Variants in LRRTM4 observed in about 807,000 individuals in gnomAD.
LRRTM4 encodes leucine-rich repeat transmembrane neuronal protein 4.
A neutral mutation model predicts 47.6 loss-of-function variants in LRRTM4; 25 were observed. The observed-to-expected ratio is 0.53, with a 90% CI of 0.38 to 0.73. The LOEUF is 0.73. Among genes scored for constraint, LRRTM4 ranks in the 30% least tolerant of loss-of-function variants. The pLI is 0.00. For synonymous variants in LRRTM4, 311 were observed against 269.5 expected (o/e 1.15, Z -1.51); for missense variants, 638 against 713.4 (o/e 0.89, Z 1.20).
At chr2:77,053,316 T>C (rs1280397859) in intron 3 of LRRTM4, among the ~76,000 whole-genome samples, 2 of 152,094 alleles carry the variant, frequency 1.3e-5, no homozygotes, top group Non-Finnish European at 2.9e-5. Context: ...CAAAATTTAA[T>C]AGTTTAATAA....
chr2:77,484,368 G>A (rs1421025920), intron 3 of LRRTM4, among the ~76,000 whole-genome samples: 7 of 152,102 alleles, frequency 4.6e-5, no homozygotes, highest in Admixed American at 4.6e-4. Flanking sequence ...TATCATGGTG[G>A]ATTATACTGT....
intron 3 of LRRTM4, among the ~76,000 whole-genome samples, chr2:77,322,089 T>A (rs1042591174): frequency 2.6e-5 from 4 of 152,176 alleles, no homozygotes; most frequent in African/African-American, 9.6e-5. Flanking sequence ...TCAAAGGTAA[T>A]CTAGTAAAAT....
rs1357194845 is a variant in LRRTM4, at chr2:77,519,596, A to G, written c.273T>C (p.Tyr91=). 6.2e-7 allele frequency: 1 copy of G among 1,613,394 alleles called. No homozygotes were observed. Among genetic ancestry groups the G allele is most frequent in the African/African-American group, 1.3e-5 (1 of 74,894 alleles). The change falls in exon 3 of 4, where the codon TAT becomes TAC. Residue 91 remains tyrosine, a synonymous_variant. Transcript: ENST00000409884. The surrounding 1 kb of genome is among the most constrained non-coding windows in gnomAD (Gnocchi z 4.6). ...CTGAGCTAATGTAATTATGGTCAAG[A>G]TAAAGCCATATAAGCTGGTTAAGGC... ...FAGLNQLIWL[Y]LDHNYISSVD...
At chr2:76,971,778 G>C (rs1676227737) in intron 3 of LRRTM4, among the ~76,000 whole-genome samples, 1 of 151,960 alleles carries the variant, frequency 6.6e-6, no homozygotes, top group Non-Finnish European at 1.5e-5. Context: ...ACTGATGCAT[G>C]ATATGAGAAA....
intron 3 of LRRTM4, among the ~76,000 whole-genome samples, chr2:77,061,068 TC>T (rs1679770224): frequency 6.6e-6 from 1 of 151,874 alleles, no homozygotes; most frequent in Admixed American, 6.6e-5. Flanking sequence ...TTTTGCCACT[TC>T]CTTGATTTAT....
At chr2:77,122,287 A>G (rs1015196632) in intron 3 of LRRTM4, among the ~76,000 whole-genome samples, 3 of 151,632 alleles carry the variant, frequency 2.0e-5, no homozygotes, top group Non-Finnish European at 4.4e-5. Flanking sequence ...CATTAAGAAT[A>G]TTTGTATAGC....
At chr2:77,213,942 A>T (rs1380722836) in intron 3 of LRRTM4, among the ~76,000 whole-genome samples, 1 of 151,848 alleles carries the variant, frequency 6.6e-6, no homozygotes, top group African/African-American at 2.4e-5. Context: ...CTCCTGCATT[A>T]AAAAAAATCA....
intron 3 of LRRTM4, among the ~76,000 whole-genome samples, chr2:77,323,063 G>C (rs1179569742): frequency 6.6e-6 from 1 of 151,936 alleles, no homozygotes; most frequent in Non-Finnish European, 1.5e-5. Flanking sequence ...ACAAGTCATA[G>C]ACAAAAGATG....
At chr2:77,067,444 G>C (rs949248501) in intron 3 of LRRTM4, among the ~76,000 whole-genome samples, 2 of 152,052 alleles carry the variant, frequency 1.3e-5, no homozygotes, top group East Asian at 1.9e-4. Flanking sequence ...AAAAAAAGGA[G>C]AGCCTCCACT....
At chr2:76,809,727 C>G (rs1670671020) in intron 3 of LRRTM4, among the ~76,000 whole-genome samples, 1 of 152,164 alleles carries the variant, frequency 6.6e-6, no homozygotes, top group African/African-American at 2.4e-5. Context: ...CTACAAGAAC[C>G]TGGACGAGTG....
chr2:77,226,329 T>C (rs1674806498), intron 3 of LRRTM4, among the ~76,000 whole-genome samples: 1 of 151,622 alleles, frequency 6.6e-6, no homozygotes, highest in Non-Finnish European at 1.5e-5. Context: ...AAGTAAAAAT[T>C]AGGAGTGGTC....
chr2:77,096,635 G>C (rs917754557), intron 3 of LRRTM4, among the ~76,000 whole-genome samples: 1 of 151,468 alleles, frequency 6.6e-6, no homozygotes, highest in African/African-American at 2.4e-5. Flanking sequence ...TACATTTTCT[G>C]AATTGATTTG....
intron 3 of LRRTM4, among the ~76,000 whole-genome samples, chr2:77,112,189 G>T (rs1198438519): frequency 6.6e-6 from 1 of 152,168 alleles, no homozygotes; most frequent in African/African-American, 2.4e-5. Flanking sequence ...GATATCCAGA[G>T]GTCTGCAATG....
At chr2:76,977,568 A>T (rs1676462175) in intron 3 of LRRTM4, among the ~76,000 whole-genome samples, 1 of 151,838 alleles carries the variant, frequency 6.6e-6, no homozygotes, top group Non-Finnish European at 1.5e-5. Context: ...AGGTATCTAA[A>T]GTTACCTCTC....
intron 3 of LRRTM4, among the ~76,000 whole-genome samples, chr2:77,367,672 A>G (rs1162105052): frequency 1.3e-5 from 2 of 151,898 alleles, no homozygotes; most frequent in Non-Finnish European, 2.9e-5. Context: ...AGGAAATTAC[A>G]GAAAAAGTAA....
At chr2:76,867,067 G>A (rs1008445948) in intron 3 of LRRTM4, among the ~76,000 whole-genome samples, 1 of 151,980 alleles carries the variant, frequency 6.6e-6, no homozygotes, top group Non-Finnish European at 1.5e-5. Context: ...CGTCTGTTAG[G>A]GGGTGGTGGG....
At chr2:76,764,738 T>C (rs1673391640) in intron 3 of LRRTM4, among the ~76,000 whole-genome samples, 1 of 152,190 alleles carries the variant, frequency 6.6e-6, no homozygotes, top group South Asian at 2.1e-4. Flanking sequence ...CTGCTGAACT[T>C]CTTGGATCCC....
At chr2:76,877,459 G>A (rs921994879) in intron 3 of LRRTM4, among the ~76,000 whole-genome samples, 16 of 151,722 alleles carry the variant, frequency 1.1e-4, no homozygotes, top group African/African-American at 2.4e-4. Context: ...TCACAATTGC[G>A]TGGTATTTAG....
intron 3 of LRRTM4, among the ~76,000 whole-genome samples, chr2:76,974,151 CATACATATATATAT>C (rs1484388311): frequency 1.5e-5 from 2 of 133,744 alleles, no homozygotes; most frequent in Non-Finnish European, 3.1e-5. Context: ...CATATATATA[CATACATATATATAT>C]ATACATACAT....
Sources: allele counts gnomAD v4.1 joint callset (sites outside exome capture counted in the v4.1 genomes callset), GRCh38; gene constraint gnomAD v4.1.1; non-coding constraint Gnocchi (gnomAD v3.1); transcripts MANE v1.5; gene names NCBI Gene and HGNC (gene_info 2026-07-23, HGNC 2026-07-21).